The following CCNH variants were observed in gnomAD, a reference collection of about 807,000 sequenced individuals.
CCNH encodes cyclin H, also known as cyclin-H.
CCNH carries 31 observed loss-of-function variants against 41.9 expected under a neutral mutation model. The ratio of observed to expected loss-of-function variants is 0.74; its 90% confidence interval spans 0.56 to 1.00. The LOEUF (loss-of-function observed/expected upper bound fraction) is 1.00. Among genes scored for constraint, CCNH ranks in the 50% least tolerant of loss-of-function variants. The pLI, the probability that CCNH is intolerant of heterozygous loss-of-function variation, is 0.00. For synonymous variants in CCNH, 138 were observed against 136.1 expected (o/e 1.01, Z -0.10); for missense variants, 362 against 388.4 (o/e 0.93, Z 0.57).
downstream of CCNH, chr5:87,374,337 C>T (rs538048797): frequency 1.3e-6 from 2 of 1,590,200 alleles, no homozygotes; most frequent in South Asian, 1.1e-5. Flanking sequence ...CTTATTTTAT[C>T]ATTACATTAA....
At chr5:87,391,853 T>TATGTGTATTTTTGTGAAGTATTCAC (rs1762550796), downstream of CCNH, 2 of 232,008 alleles carry the variant, frequency 8.6e-6, no homozygotes, top group Admixed American at 1.1e-4. Context: ...TTTACTTCTG[T>TATGTGTATTTTTGTGAAGTATTCAC]ATGTGTATTT....
chr5:87,389,629 T>A, downstream of CCNH: 2 of 1,477,628 alleles, frequency 1.4e-6, no homozygotes, highest in Non-Finnish European at 1.9e-6. Context: ...CTTGTTACAT[T>A]AAATTTTTGA....
intron 9 of CCNH, among the ~76,000 whole-genome samples, chr5:87,324,771 G>T (rs1163877147): frequency 2.0e-5 from 3 of 151,844 alleles, no homozygotes; most frequent in Non-Finnish European, 4.4e-5. Flanking sequence ...TGTGTAGTTG[G>T]TCTAAGGGGT....
intron 9 of CCNH, among the ~76,000 whole-genome samples, chr5:87,329,473 C>T (rs1447734690): frequency 1.3e-5 from 2 of 151,832 alleles, no homozygotes; most frequent in South Asian, 4.2e-4. Flanking sequence ...CAACTAAAAA[C>T]CACAAATAAA....
downstream of CCNH, among the ~76,000 whole-genome samples, chr5:87,390,351 A>ATTAAAGCAT (rs1762410533): frequency 6.6e-6 from 1 of 152,252 alleles, no homozygotes; most frequent in South Asian, 2.1e-4. Context: ...TGTAGAAGGG[A>ATTAAAGCAT]TTAAAGCATT....
chr5:87,395,783 C>T (rs1343452958), intron 7 of CCNH, among the ~76,000 whole-genome samples: 2 of 152,150 alleles, frequency 1.3e-5, no homozygotes, highest in African/African-American at 4.8e-5. Context: ...GTAGGAAGAT[C>T]ACTTGAGCCC....
At chr5:87,400,073 G>A (rs745336760) in intron 6 of CCNH, among the ~76,000 whole-genome samples, 17 of 152,120 alleles carry the variant, frequency 1.1e-4, no homozygotes, top group Non-Finnish European at 2.1e-4. Context: ...CTTTATAATT[G>A]CAAAAACATC....
chr5:87,408,210 G>A, intron 3 of CCNH, 24 bp from the exon 4 acceptor site: 2 of 1,291,030 alleles, frequency 1.5e-6, no homozygotes, highest in Non-Finnish European at 2.2e-6. Context: ...TAAGGAGGCA[G>A]GAGGCAGGGG....
chr5:87,325,047 A>C (rs1757126792), intron 9 of CCNH, among the ~76,000 whole-genome samples: 1 of 152,160 alleles, frequency 6.6e-6, no homozygotes, highest in South Asian at 2.1e-4. Flanking sequence ...TAAAGGAAAG[A>C]GGCTTAATTG....
At chr5:87,313,908 C>T (rs1016340984), downstream of CCNH, among the ~76,000 whole-genome samples, 10 of 152,182 alleles carry the variant, frequency 6.6e-5, no homozygotes, top group Non-Finnish European at 1.0e-4. Context: ...TGGCTCATGC[C>T]TGCAATCCCA....
rs1298738707 is a variant in CCNH, at chr5:87,338,530, TATAAAA to T, written c.*91-19639_*91-19634del. On this transcript the variant is annotated intron_variant and NMD_transcript_variant, in intron 9 of 9. Coordinates refer to the CCNH transcript ENST00000645953. Reference sequence around the variant, plus strand: ...ATATATATATATATATATATATATATATAAAATTTTTTTTTTTTTTAAGTAGAAATG... The same window carrying T: ...ATATATATATATATATATATATATATTTTTTTTTTTTTTTAAGTAGAAATG... Among the ~76,000 whole-genome samples, 137 of 97,500 alleles carry T rather than the reference TATAAAA, an allele frequency of 1.4e-3. 4 individuals carry two copies. Among genetic ancestry groups the T allele is most frequent in the African/African-American group, 4.2e-3 (111 of 26,726 alleles). The allele number at this position is 97,500 out of a possible 152,430, so 64.0% of individuals were successfully genotyped here. A position where few individuals can be genotyped will look rare whatever the true frequency, so the allele number is the denominator to read the frequency against.
At chr5:87,341,394 C>T in intron 9 of CCNH, 1 of 1,099,508 alleles carries the variant, frequency 9.1e-7, no homozygotes, top group South Asian at 3.1e-5. Context: ...AAACTTTGGC[C>T]AAAAAAATTG....
rs1352575365 is a variant in CCNH, at chr5:87,362,677, T to C, written c.*90+30093A>G. ...AGGTTATCTTCTGAAAAAGGGTAAG[T>C]TCAGACTTTTATCATTAACCCATTT... is the stretch of plus-strand genomic sequence containing the variant. On this transcript the variant is annotated intron_variant and NMD_transcript_variant, in intron 9 of 9. Coordinates refer to the CCNH transcript ENST00000645953. The C allele has an allele frequency of 1.9e-6, 3 of 1,603,970 alleles. No individual in the cohort carries two copies. The highest frequency in any genetic ancestry group is 1.7e-6 in the Non-Finnish European group (2 of 1,171,170).
chr5:87,331,237 G>A, intron 9 of CCNH: 3 of 1,179,528 alleles, frequency 2.5e-6, no homozygotes, highest in Non-Finnish European at 3.8e-6. Context: ...AAATGTAAAT[G>A]TTTAAGTTAC....
chr5:87,341,081 C>T (rs909923823), intron 9 of CCNH, among the ~76,000 whole-genome samples: 1 of 150,700 alleles, frequency 6.6e-6, no homozygotes, highest in Non-Finnish European at 1.5e-5. Flanking sequence ...TAAGAAAAGT[C>T]GATAAGAGGG....
At chr5:87,386,776 A>G (rs1387055574), downstream of CCNH, 1 of 1,514,824 alleles carries the variant, frequency 6.6e-7, no homozygotes, top group Non-Finnish European at 9.2e-7. Context: ...CTAATAGATC[A>G]AACAGTGGTT....
intron 9 of CCNH, among the ~76,000 whole-genome samples, chr5:87,383,456 C>A (rs773626190): frequency 6.6e-6 from 1 of 152,020 alleles, no homozygotes; most frequent in Non-Finnish European, 1.5e-5. Flanking sequence ...ACAACATTTT[C>A]CCAAAGTTAA....
intron 9 of CCNH, among the ~76,000 whole-genome samples, chr5:87,321,562 C>T (rs1468492354): frequency 1.3e-5 from 2 of 152,208 alleles, no homozygotes; most frequent in Admixed American, 6.5e-5. Flanking sequence ...CAGAGAAACA[C>T]GTTTACTGGT....
chr5:87,376,674 A>C lies in CCNH; in HGVS notation n.507T>G, dbSNP rs6888902. The stretch of plus-strand genomic sequence containing the variant: ...TAGTAATTCATAGCTTAGTAGCACA[A>C]TGATGCCAGAGATTTTAAACCTTGT... On this transcript the variant is annotated non_coding_transcript_exon_variant, in exon 1 of 1. Transcript: ENST00000607486. 3,379 of 1,365,966 alleles carry C rather than the reference A, an allele frequency of 2.5e-3. 52 individuals carry two copies. In the African/African-American group the frequency reaches 0.041, roughly 17 times the overall value. The allele number at this position is 1,365,966 out of a possible 1,614,324, so 84.6% of individuals were successfully genotyped here. A position where few individuals can be genotyped will look rare whatever the true frequency, so the allele number is the denominator to read the frequency against.
Sources: allele counts gnomAD v4.1 joint callset (sites outside exome capture counted in the v4.1 genomes callset), GRCh38; gene constraint gnomAD v4.1.1; transcripts MANE v1.5; gene names NCBI Gene and HGNC (gene_info 2026-07-23, HGNC 2026-07-21).